ZNF804A: variants seen among roughly 807,000 people sequenced by gnomAD.
ZNF804A encodes the protein zinc finger protein 804A.
Under a neutral mutation model 16.5 loss-of-function variants are expected in ZNF804A, and 2 were observed. The ratio of observed to expected loss-of-function variants is 0.12; its 90% confidence interval spans 0.05 to 0.38. The LOEUF is 0.38. Among genes scored for constraint, ZNF804A ranks in the 10% least tolerant of loss-of-function variants. ZNF804A has a pLI of 0.99. For synonymous variants in ZNF804A, 534 were observed against 489.6 expected (o/e 1.09, Z -1.20); for missense variants, 1,473 against 1,390.7 (o/e 1.06, Z -0.94).
At chr2:184,883,795 C>A (rs762706909) in intron 2 of ZNF804A, among the ~76,000 whole-genome samples, 4 of 152,022 alleles carry the variant, frequency 2.6e-5, no homozygotes, top group Non-Finnish European at 4.4e-5. Flanking sequence ...ATTGAAGGAA[C>A]ATATTTCAAA....
chr2:184,661,505 C>T (rs892983488), intron 1 of ZNF804A, among the ~76,000 whole-genome samples: 9 of 152,174 alleles, frequency 5.9e-5, no homozygotes, highest in African/African-American at 1.7e-4. Context: ...TGAGAGAGGA[C>T]CCTAAAAGTG....
At chr2:184,911,501 C>A (rs1457478619) in intron 2 of ZNF804A, among the ~76,000 whole-genome samples, 2 of 151,822 alleles carry the variant, frequency 1.3e-5, no homozygotes, top group East Asian at 3.9e-4. Flanking sequence ...TCTAATTTTG[C>A]AAAGAATGAC....
chr2:184,846,725 G>A (rs919226738), intron 1 of ZNF804A, among the ~76,000 whole-genome samples: 1 of 151,924 alleles, frequency 6.6e-6, no homozygotes, highest in Non-Finnish European at 1.5e-5. Flanking sequence ...AATCTAACTC[G>A]GTGTTTTGAT....
At chr2:184,797,142 A>T (rs898048135) in intron 1 of ZNF804A, among the ~76,000 whole-genome samples, 2 of 152,112 alleles carry the variant, frequency 1.3e-5, no homozygotes, top group African/African-American at 4.8e-5. Flanking sequence ...TGATGAGTTC[A>T]TTTGTTCCAA....
At chr2:184,794,511 A>T (rs1404156185) in intron 1 of ZNF804A, among the ~76,000 whole-genome samples, 4 of 152,064 alleles carry the variant, frequency 2.6e-5, no homozygotes, top group Non-Finnish European at 4.4e-5. Flanking sequence ...GATTTCTCCC[A>T]GTCTGTGAGT....
At chr2:184,846,040 G>C (rs771416340) in intron 1 of ZNF804A, among the ~76,000 whole-genome samples, 1 of 152,064 alleles carries the variant, frequency 6.6e-6, no homozygotes, top group Non-Finnish European at 1.5e-5. Context: ...ACAAATAATT[G>C]ATTTTCAGGT....
intron 2 of ZNF804A, among the ~76,000 whole-genome samples, chr2:184,891,271 A>G (rs754870431): frequency 6.6e-6 from 1 of 152,164 alleles, no homozygotes; most frequent in Non-Finnish European, 1.5e-5. Context: ...TTAAATATTT[A>G]CAAAGCTGCC....
At chr2:184,668,664 A>G (rs1464177012) in intron 1 of ZNF804A, among the ~76,000 whole-genome samples, 3 of 151,996 alleles carry the variant, frequency 2.0e-5, no homozygotes, top group African/African-American at 7.2e-5. Context: ...ATATTTGGAA[A>G]GTTATACTAC....
intron 1 of ZNF804A, among the ~76,000 whole-genome samples, chr2:184,735,561 G>A (rs754742133): frequency 6.6e-6 from 1 of 152,110 alleles, no homozygotes; most frequent in Non-Finnish European, 1.5e-5. Context: ...TGCATGTTCT[G>A]CACATGTATC....
intron 2 of ZNF804A, among the ~76,000 whole-genome samples, chr2:184,896,215 C>T (rs567789563): frequency 1.6e-4 from 25 of 152,222 alleles, no homozygotes; most frequent in African/African-American, 5.8e-4. Context: ...AGTAAGAAAT[C>T]TGGGGCCTCT....
At chr2:184,773,721 G>A (rs1179257997) in intron 1 of ZNF804A, among the ~76,000 whole-genome samples, 1 of 151,810 alleles carries the variant, frequency 6.6e-6, no homozygotes, top group Non-Finnish European at 1.5e-5. Flanking sequence ...GGTGATGGAT[G>A]CACCAAAATC....
intron 1 of ZNF804A, among the ~76,000 whole-genome samples, chr2:184,671,541 A>G (rs1692338890): frequency 6.6e-6 from 1 of 152,156 alleles, no homozygotes; most frequent in Admixed American, 6.6e-5. Context: ...GTTCTCCTCT[A>G]TTCCCTAGAG....
At chr2:184,893,313 T>C (rs1045637020) in intron 2 of ZNF804A, among the ~76,000 whole-genome samples, 21 of 152,132 alleles carry the variant, frequency 1.4e-4, no homozygotes, top group African/African-American at 4.1e-4. Flanking sequence ...TCAAAGTAAA[T>C]TGCTAATCGT....
intron 1 of ZNF804A, among the ~76,000 whole-genome samples, chr2:184,684,814 T>C (rs1011200073): frequency 1.3e-5 from 2 of 152,204 alleles, no homozygotes; most frequent in East Asian, 3.9e-4. Context: ...CGGTGTTTGA[T>C]TTTCTGTTCC....
chr2:184,682,475 T>G (rs1692558309), intron 1 of ZNF804A, among the ~76,000 whole-genome samples: 1 of 152,206 alleles, frequency 6.6e-6, no homozygotes, highest in Non-Finnish European at 1.5e-5. Context: ...TGATTTTTTT[T>G]GTGACTTTTT....
At chr2:184,779,767 G>A (rs193216423) in intron 1 of ZNF804A, among the ~76,000 whole-genome samples, 368 of 151,814 alleles carry the variant, frequency 2.4e-3, no homozygotes, top group Non-Finnish European at 3.7e-3. Context: ...AGAATGGAAC[G>A]CAACTCCGCA....
chr2:184,866,108 G>A (rs1233935452), intron 1 of ZNF804A, among the ~76,000 whole-genome samples: 1 of 152,036 alleles, frequency 6.6e-6, no homozygotes, highest in Non-Finnish European at 1.5e-5. Context: ...GTTCAATCAA[G>A]GACTTCTATT....
intron 1 of ZNF804A, among the ~76,000 whole-genome samples, chr2:184,754,675 A>T (rs1320449490): frequency 1.3e-5 from 2 of 151,808 alleles, no homozygotes; most frequent in Non-Finnish European, 2.9e-5. Flanking sequence ...TTATCATTGC[A>T]GTATTTGGTA....
intron 1 of ZNF804A, among the ~76,000 whole-genome samples, chr2:184,632,400 T>C (rs764694177): frequency 1.3e-5 from 2 of 152,162 alleles, no homozygotes; most frequent in Non-Finnish European, 2.9e-5. Flanking sequence ...TACCATTTAG[T>C]GTTGCTTGTT....
Sources: allele counts gnomAD v4.1 joint callset (sites outside exome capture counted in the v4.1 genomes callset), GRCh38; gene constraint gnomAD v4.1.1; transcripts MANE v1.5; gene names NCBI Gene and HGNC (gene_info 2026-07-23, HGNC 2026-07-21).